Variants in TBC1D22A observed in about 807,000 individuals in gnomAD.
TBC1D22A encodes the protein TBC1 domain family member 22A, also known as putative GTPase activator.
A neutral mutation model predicts 60.2 loss-of-function variants in TBC1D22A; 38 were observed. That is an observed-to-expected ratio of 0.63 (90% CI 0.49 to 0.83). The LOEUF is 0.83. Ranked by LOEUF, TBC1D22A falls within the 40% of genes least tolerant of loss-of-function variation. The pLI is 0.00. For missense variants in TBC1D22A, 628 were observed against 701.0 expected, an observed-to-expected ratio of 0.90 and a Z score of 1.18; for synonymous variants, 302 against 281.7, an observed-to-expected ratio of 1.07 and a Z score of -0.72.
chr22:46,950,591 G>A (rs1044347316), intron 8 of TBC1D22A, among the ~76,000 whole-genome samples: 4 of 152,098 alleles, frequency 2.6e-5, no homozygotes, highest in Non-Finnish European at 4.4e-5. Context: ...CTGTCATCTC[G>A]GAGCTTCATG....
chr22:46,926,612 T>C (rs1304406154), intron 8 of TBC1D22A, among the ~76,000 whole-genome samples: 1 of 152,304 alleles, frequency 6.6e-6, no homozygotes, highest in African/African-American at 2.4e-5. Context: ...AACATTTAAA[T>C]CGGTGGACTT....
intron 12 of TBC1D22A, among the ~76,000 whole-genome samples, chr22:47,136,653 G>A (rs2066884377): frequency 6.6e-6 from 1 of 152,202 alleles, no homozygotes; most frequent in Non-Finnish European, 1.5e-5. Context: ...TCCTGGGCTT[G>A]AGCCCCCTCG....
chr22:47,051,126 C>T (rs998803376), intron 11 of TBC1D22A, among the ~76,000 whole-genome samples: 2 of 152,126 alleles, frequency 1.3e-5, no homozygotes, highest in Non-Finnish European at 1.5e-5. Flanking sequence ...AGGGGGACCT[C>T]TCCTCCCTCG....
chr22:47,004,609 A>G (rs1300296916), intron 10 of TBC1D22A, among the ~76,000 whole-genome samples: 1 of 151,052 alleles, frequency 6.6e-6, no homozygotes, highest in Non-Finnish European at 1.5e-5. Context: ...CCTCATGCAT[A>G]CACACCTGCC....
At chr22:46,799,455 A>G (rs1290223289) in intron 4 of TBC1D22A, among the ~76,000 whole-genome samples, 1 of 152,216 alleles carries the variant, frequency 6.6e-6, no homozygotes, top group East Asian at 1.9e-4. Flanking sequence ...GTATCATCAC[A>G]GCACAGGGGT....
At chr22:46,988,079 GAAAAA>G (rs136128) in intron 9 of TBC1D22A, among the ~76,000 whole-genome samples, 1 of 145,502 alleles carries the variant, frequency 6.9e-6, no homozygotes, top group Non-Finnish European at 1.5e-5. Context: ...GAAAAGAAAA[GAAAAA>G]AAAAAAGAAA....
intron 10 of TBC1D22A, among the ~76,000 whole-genome samples, chr22:47,032,561 C>A (rs561233447): frequency 6.6e-6 from 1 of 152,182 alleles, no homozygotes; most frequent in Admixed American, 6.5e-5. Flanking sequence ...GTCTAAAGCT[C>A]GCCTGAAGCC....
chr22:47,143,913 AC>A (rs1219944517), intron 12 of TBC1D22A, among the ~76,000 whole-genome samples: 1 of 152,162 alleles, frequency 6.6e-6, no homozygotes, highest in African/African-American at 2.4e-5. Context: ...GTGTGCACTT[AC>A]GGCAGGCCCG....
chr22:46,780,587 T>C (rs2083895132), intron 1 of TBC1D22A, among the ~76,000 whole-genome samples: 1 of 152,232 alleles, frequency 6.6e-6, no homozygotes, highest in African/African-American at 2.4e-5. Context: ...CCTTGCAGCG[T>C]TGGCCAGAGT....
At chr22:46,904,265 A>G (rs569235215) in intron 7 of TBC1D22A, among the ~76,000 whole-genome samples, 137 of 152,160 alleles carry the variant, frequency 9.0e-4, no homozygotes, top group African/African-American at 3.2e-3. Flanking sequence ...GCAGGGCTTC[A>G]GAGTCCCACA....
At chr22:46,866,171 C>A (rs2067042284) in intron 4 of TBC1D22A, among the ~76,000 whole-genome samples, 1 of 152,220 alleles carries the variant, frequency 6.6e-6, no homozygotes, top group Non-Finnish European at 1.5e-5. Flanking sequence ...GTGGCGTAAT[C>A]TTGCCTCACC....
At chr22:47,087,584 T>C (rs1353787215) in intron 11 of TBC1D22A, among the ~76,000 whole-genome samples, 1 of 152,224 alleles carries the variant, frequency 6.6e-6, no homozygotes, top group Non-Finnish European at 1.5e-5. Context: ...TTGTTGGTAA[T>C]ATTATTAGTG....
chr22:46,913,859 C>T (rs569804703), intron 8 of TBC1D22A: 2 of 736,152 alleles, frequency 2.7e-6, no homozygotes, highest in Admixed American at 6.3e-5. Flanking sequence ...ATCTGCAAGA[C>T]AGGATGAAGG....
intron 12 of TBC1D22A, among the ~76,000 whole-genome samples, chr22:47,139,939 A>T (rs980307881): frequency 6.6e-6 from 1 of 152,230 alleles, no homozygotes; most frequent in Non-Finnish European, 1.5e-5. Context: ...AGTCTTGATT[A>T]AGATCCCACT....
intron 8 of TBC1D22A, among the ~76,000 whole-genome samples, chr22:46,973,923 A>G (rs188875871): frequency 7.3e-4 from 111 of 152,374 alleles, no homozygotes; most frequent in African/African-American, 2.3e-3. Context: ...ATATGTAAAT[A>G]TATCAGAAGC....
intron 8 of TBC1D22A, among the ~76,000 whole-genome samples, chr22:46,971,591 T>G (rs2074062503): frequency 6.6e-6 from 1 of 152,226 alleles, no homozygotes; most frequent in Admixed American, 6.5e-5. Flanking sequence ...CTTACCCTCC[T>G]GTCTATTTGC....
At chr22:46,982,007 A>T (rs144971629) in intron 9 of TBC1D22A, among the ~76,000 whole-genome samples, 1 of 152,288 alleles carries the variant, frequency 6.6e-6, no homozygotes, top group African/African-American at 2.4e-5. Flanking sequence ...GGATTAGCAG[A>T]TTGAGAAGAG....
chr22:47,072,517 A>G (rs899903169), intron 11 of TBC1D22A, among the ~76,000 whole-genome samples: 3 of 152,350 alleles, frequency 2.0e-5, no homozygotes, highest in African/African-American at 7.2e-5. Flanking sequence ...TTTCAGATGC[A>G]GGGGCTTCTG....
chr22:47,164,260 T>C (rs5766703), intron 12 of TBC1D22A, among the ~76,000 whole-genome samples: 152,347 of 152,356 alleles, frequency 1, 76,169 homozygotes, highest in Middle Eastern at 1. Flanking sequence ...TCCTTAGACA[T>C]GGGCCTCTGT....
Sources: gnomAD v4.1 joint callset for allele counts (sites outside exome capture counted in the v4.1 genomes callset) on GRCh38, gnomAD v4.1.1 for gene constraint, MANE v1.5 for transcripts, NCBI Gene and HGNC (gene_info 2026-07-23, HGNC 2026-07-21) for gene names.